ABCC8: variants seen among roughly 807,000 people sequenced by gnomAD.
The protein encoded by ABCC8 is ATP binding cassette subfamily C member 8.
In ABCC8, 137 loss-of-function variants were observed where a neutral mutation model predicts 188.0. The observed-to-expected ratio is 0.73, with a 90% CI of 0.63 to 0.84. ABCC8 has a LOEUF of 0.84. ABCC8 is among the 40% of genes least tolerant of loss of function. ABCC8 has a pLI of 0.00. For missense variants in ABCC8, 1,750 were observed against 2,072.7 expected (o/e 0.84, Z 3.02); for synonymous variants, 797 against 846.5 (o/e 0.94, Z 1.01).
chr11:17,462,938 G>A (rs550766939), intron 4 of ABCC8, among the ~76,000 whole-genome samples: 1 of 152,280 alleles, frequency 6.6e-6, no homozygotes, highest in South Asian at 2.1e-4. Flanking sequence ...AACAAAGCAT[G>A]GGAAAGACAA....
chr11:17,467,038 T>TA (rs1396296472), intron 3 of ABCC8, among the ~76,000 whole-genome samples: 5 of 65,890 alleles, frequency 7.6e-5, no homozygotes, highest in Admixed American at 1.8e-4. Context: ...TTAAACATGT[T>TA]AAACCACACA....
chr11:17,393,789 C>T (rs752352911), intron 37 of ABCC8, 30 bp from the exon 38 acceptor site: 2 of 1,613,942 alleles, frequency 1.2e-6, no homozygotes, highest in African/African-American at 1.3e-5. Flanking sequence ...GCTGTTGGCT[C>T]ACCTGCCCAG....
At position 17,427,283 on chromosome 11, in the gene ABCC8, C is replaced by T; in HGVS notation, c.2117-129G>A. On this transcript the variant is annotated intron_variant, in intron 15 of 38. Coordinates refer to ENST00000389817, the MANE Select transcript of ABCC8 (RefSeq NM_000352.6). The surrounding 1 kb of genome is among the most constrained non-coding windows in gnomAD (Gnocchi z 5.0). The stretch of plus-strand genomic sequence containing the variant: ...TTTTCTTTCTTCCTACCTAGAATCC[C>T]CAGCAAGTCCTCTCCCTCTTTAATC... The T allele has an allele frequency of 7.3e-7, 1 of 1,364,420 alleles. No homozygotes were observed. The allele number at this position is 1,364,420 out of a possible 1,614,324, so 84.5% of individuals were successfully genotyped here.
chr11:17,460,362 G>C, intron 6 of ABCC8, 126 bp downstream of exon 6: 1 of 1,433,512 alleles, frequency 7.0e-7, no homozygotes, highest in Non-Finnish European at 9.7e-7. Flanking sequence ...TACTGCTATG[G>C]GCTTTGCGCA....
intron 14 of ABCC8, 119 bp from the exon 15 acceptor site, chr11:17,428,061 T>G: frequency 6.3e-7 from 1 of 1,589,900 alleles, no homozygotes; most frequent in Non-Finnish European, 8.6e-7. Flanking sequence ...AGCCCCTGGA[T>G]CACTTCCAGA....
chr11:17,398,229 G>A, intron 30 of ABCC8, 110 bp downstream of exon 30: 1 of 1,409,036 alleles, frequency 7.1e-7, no homozygotes, highest in Non-Finnish European at 9.9e-7. Context: ...AAGGCTTGGT[G>A]TCCACACGAT....
chr11:17,406,607 A>G lies in ABCC8; in HGVS notation c.3329+15T>C, dbSNP rs759821262. On this transcript the variant is annotated intron_variant, in intron 26 of 38. Transcript: ENST00000389817. ...ACTTGCTCACAGTCCCAGCCTGGCC[A>G]GGGGAGACGGGTACCTCATGGGGGC... 1 of 1,610,364 alleles carries G rather than the reference A, an allele frequency of 6.2e-7. No individual in the cohort carries two copies. The highest frequency in any genetic ancestry group is 1.7e-5 in the Admixed American group (1 of 59,784).
intron 19 of ABCC8, 29 bp from the exon 20 acceptor site, chr11:17,413,507 C>A: frequency 1.2e-6 from 2 of 1,612,926 alleles, no homozygotes; most frequent in Non-Finnish European, 1.7e-6. Flanking sequence ...GGGGATGCAG[C>A]TGGTCAGCCT....
chr11:17,408,559 G>A (rs764770151), intron 22 of ABCC8, 42 bp from the exon 23 acceptor site: 4 of 1,592,560 alleles, frequency 2.5e-6, no homozygotes, highest in East Asian at 4.5e-5. Context: ...GCTGGCTGGG[G>A]AGGAATGGTG....
chr11:17,435,763 C>G, intron 10 of ABCC8: 4 of 1,349,016 alleles, frequency 3.0e-6, no homozygotes, highest in Non-Finnish European at 4.3e-6. Context: ...CAGGCCTTTT[C>G]CTAGGTCCCA....
chr11:17,411,891 C>CTTTT (rs1262103548), intron 21 of ABCC8, among the ~76,000 whole-genome samples: 9 of 122,946 alleles, frequency 7.3e-5, no homozygotes, highest in Non-Finnish European at 1.0e-4. Context: ...CGAATACGTT[C>CTTTT]TTTTTTTTTT....
chr11:17,444,749 CT>C (rs1384139546), intron 8 of ABCC8, among the ~76,000 whole-genome samples: 4 of 152,226 alleles, frequency 2.6e-5, no homozygotes, highest in African/African-American at 9.6e-5. Context: ...AGGACATAGT[CT>C]TTGGAGTCTG....
chr11:17,401,282 C>T (rs1034069019), intron 29 of ABCC8, among the ~76,000 whole-genome samples: 3 of 152,210 alleles, frequency 2.0e-5, no homozygotes, highest in African/African-American at 7.2e-5. Context: ...GGAGGAGACT[C>T]TAGAGTCATA....
chr11:17,443,763 G>A (rs1956417291), intron 8 of ABCC8, among the ~76,000 whole-genome samples: 1 of 152,314 alleles, frequency 6.6e-6, no homozygotes, highest in East Asian at 1.9e-4. Flanking sequence ...CCTGGGGTCC[G>A]AGAATTCGCT....
Position 17,456,104 on chromosome 11 carries a change from G to C in ABCC8, c.1012-2821C>G, listed in dbSNP as rs528686045. 6.6e-5 allele frequency among the ~76,000 whole-genome samples: 10 copies of C among 152,228 alleles called. No individual in the cohort carries two copies. The East Asian group carries it at 1.9e-3, about 29-fold the overall frequency. ...GCACCCTGCAGGTACCAAGGCAAGAGAGAAAAGACCAAGGACCTACAACCT... is the reference window on the plus strand; with the variant it reads ...GCACCCTGCAGGTACCAAGGCAAGACAGAAAAGACCAAGGACCTACAACCT... On this transcript the variant is annotated intron_variant, in intron 6 of 38. Transcript: ENST00000389817.
intron 6 of ABCC8, among the ~76,000 whole-genome samples, chr11:17,455,479 C>T (rs1319444157): frequency 6.6e-6 from 1 of 152,176 alleles, no homozygotes; most frequent in Non-Finnish European, 1.5e-5. Flanking sequence ...CCGCCCCCAA[C>T]AAAATAACCT....
chr11:17,415,621 A>C (rs1382236429), intron 17 of ABCC8, among the ~76,000 whole-genome samples: 1 of 152,090 alleles, frequency 6.6e-6, no homozygotes, highest in African/African-American at 2.4e-5. Context: ...CTGGGGGGAA[A>C]ACTTGTCAGA....
intron 2 of ABCC8, 83 bp downstream of exon 2, chr11:17,474,803 T>C (rs2133727862): frequency 4.9e-6 from 7 of 1,431,654 alleles, no homozygotes; most frequent in Non-Finnish European, 6.9e-6. Flanking sequence ...TTGTGGAATA[T>C]AGGTGAGCTA....
chr11:17,401,633 T>C (rs995199534), intron 29 of ABCC8, among the ~76,000 whole-genome samples: 1 of 152,190 alleles, frequency 6.6e-6, no homozygotes, highest in African/African-American at 2.4e-5. Flanking sequence ...TGTGCCACCC[T>C]AAAAATAACC....
Sources: allele counts gnomAD v4.1 joint callset (sites outside exome capture counted in the v4.1 genomes callset), GRCh38; gene constraint gnomAD v4.1.1; non-coding constraint Gnocchi (gnomAD v3.1); transcripts MANE v1.5; gene names NCBI Gene and HGNC (gene_info 2026-07-23, HGNC 2026-07-21).